ELMO1: variants seen among roughly 807,000 people sequenced by gnomAD.
The protein encoded by ELMO1 is engulfment and cell motility 1, also known as engulfment and cell motility protein 1.
In ELMO1, 26 loss-of-function variants were observed where a neutral mutation model predicts 98.9. The ratio of observed to expected loss-of-function variants is 0.26; its 90% CI spans 0.19 to 0.36. The LOEUF (loss-of-function observed/expected upper bound fraction) is 0.36. Among genes scored for constraint, ELMO1 ranks in the 10% least tolerant of loss-of-function variants. The pLI, the probability that ELMO1 is intolerant of heterozygous loss-of-function variation, is 1.00. For synonymous variants in ELMO1, 346 were observed against 346.0 expected (o/e 1.00, Z 0.00); for missense variants, 627 against 935.2 (o/e 0.67, Z 4.30).
At chr7:36,914,516 C>CCTTT (rs1193155644) in intron 16 of ELMO1, among the ~76,000 whole-genome samples, 2 of 129,988 alleles carry the variant, frequency 1.5e-5, no homozygotes, top group African/African-American at 5.6e-5. Flanking sequence ...AATGTACATT[C>CCTTT]TTTTTTTTTT....
chr7:37,376,063 C>CA (rs1050567332), intron 1 of ELMO1: 21 of 359,376 alleles, frequency 5.8e-5, no homozygotes, highest in Non-Finnish European at 1.1e-4. Context: ...AACTTACAGC[C>CA]AAAAAAACTT....
chr7:37,344,846 C>G (rs965971405), intron 1 of ELMO1, among the ~76,000 whole-genome samples: 1 of 152,202 alleles, frequency 6.6e-6, no homozygotes, highest in Non-Finnish European at 1.5e-5. Flanking sequence ...ACATTTGTCC[C>G]TTTTCTATTG....
At chr7:36,944,455 T>C (rs1034588605) in intron 16 of ELMO1, among the ~76,000 whole-genome samples, 1 of 152,208 alleles carries the variant, frequency 6.6e-6, no homozygotes, top group African/African-American at 2.4e-5. Context: ...GCCCACATGA[T>C]TTTCACTCTA....
At chr7:36,944,081 C>T (rs767296156) in intron 16 of ELMO1, among the ~76,000 whole-genome samples, 10 of 152,222 alleles carry the variant, frequency 6.6e-5, no homozygotes, top group Non-Finnish European at 1.2e-4. Flanking sequence ...CACAAGAACA[C>T]ATGCAGCTCT....
Position 37,098,264 on chromosome 7 carries a change from T to TCCA in ELMO1, c.1192-1540_1192-1538dup, listed in dbSNP as rs1784465015. The stretch of plus-strand genomic sequence containing the variant: ...AACAGTATTAATTGAGCACCTGTTA[T>TCCA]CCACCAGGAAGATGGCTGAGCCCCA... On this transcript the variant is annotated intron_variant, in intron 14 of 21. Coordinates refer to ENST00000310758, the MANE Select transcript of ELMO1 (RefSeq NM_014800.11). Among the ~76,000 whole-genome samples the TCCA allele has an allele frequency of 2.6e-5, 4 of 152,308 alleles. No individual in the cohort carries two copies. The South Asian group carries it at 8.3e-4, about 32-fold the overall frequency.
At chr7:37,343,826 G>GTGTGTGTA (rs1360201019) in intron 1 of ELMO1, among the ~76,000 whole-genome samples, 2 of 152,034 alleles carry the variant, frequency 1.3e-5, no homozygotes, top group African/African-American at 2.4e-5. Flanking sequence ...ATACAAACTT[G>GTGTGTGTA]TGTGTGTATG....
chr7:37,178,338 T>C (rs554500208), intron 13 of ELMO1, among the ~76,000 whole-genome samples: 50 of 150,942 alleles, frequency 3.3e-4, no homozygotes, highest in Non-Finnish European at 5.2e-4. Context: ...ACCACGAGAA[T>C]AGCATGGGAG....
At chr7:37,101,795 T>C (rs1784659126) in intron 14 of ELMO1, among the ~76,000 whole-genome samples, 1 of 151,980 alleles carries the variant, frequency 6.6e-6, no homozygotes, top group African/African-American at 2.4e-5. Flanking sequence ...ACGGAGTCTG[T>C]CTGGCTCTCT....
intron 13 of ELMO1, among the ~76,000 whole-genome samples, chr7:37,156,064 C>T (rs927458575): frequency 1.3e-5 from 2 of 152,136 alleles, no homozygotes; most frequent in African/African-American, 4.8e-5. Flanking sequence ...CAACCTGCTC[C>T]TGAATGACTA....
intron 18 of ELMO1, among the ~76,000 whole-genome samples, chr7:36,881,045 G>A (rs942784181): frequency 4.6e-5 from 7 of 152,186 alleles, no homozygotes; most frequent in African/African-American, 1.4e-4. Flanking sequence ...CTACTAAAAC[G>A]ATAAAAAGCA....
intron 17 of ELMO1, among the ~76,000 whole-genome samples, chr7:36,890,236 G>A (rs192297594): frequency 6.6e-6 from 1 of 152,340 alleles, no homozygotes; most frequent in African/African-American, 2.4e-5. Context: ...AAGATTTAAA[G>A]AGTGTGTGAA....
chr7:36,956,115 C>T lies in ELMO1; in HGVS notation c.1437+57184G>A, dbSNP rs185529715. On this transcript the variant is annotated intron_variant, in intron 16 of 21. Transcript: ENST00000310758. ...TCAATACCTGTTCCCTTTCTGAGAG[C>T]CTTTTCTTGTCTAGGGTGTCCTGAA... Among the ~76,000 whole-genome samples, 7 of 152,302 alleles carry T rather than the reference C, an allele frequency of 4.6e-5. No individual in the cohort carries two copies. The East Asian group carries it at 5.8e-4, about 13-fold the overall frequency.
At chr7:37,025,470 C>T (rs1005657262) in intron 15 of ELMO1, among the ~76,000 whole-genome samples, 1 of 152,182 alleles carries the variant, frequency 6.6e-6, no homozygotes, top group Admixed American at 6.5e-5. Context: ...TTGAGATTAA[C>T]ATCTGAATAA....
intron 14 of ELMO1, among the ~76,000 whole-genome samples, chr7:37,103,954 T>TGAACCGA (rs1288474954): frequency 1.6e-5 from 2 of 125,678 alleles, no homozygotes; most frequent in Non-Finnish European, 3.1e-5. Flanking sequence ...GAGCTTGCAG[T>TGAACCGA]GAACCGAGAT....
intron 1 of ELMO1, among the ~76,000 whole-genome samples, chr7:37,416,243 C>T (rs1025195503): frequency 6.6e-6 from 1 of 152,278 alleles, no homozygotes; most frequent in South Asian, 2.1e-4. Flanking sequence ...ACTGACAATA[C>T]GAAGTTCACA....
intron 15 of ELMO1, among the ~76,000 whole-genome samples, chr7:37,062,392 C>T (rs1584584561): frequency 6.6e-6 from 1 of 152,158 alleles, no homozygotes; most frequent in East Asian, 1.9e-4. Context: ...AAATTTCTTA[C>T]GTGGATCTCT....
At chr7:37,056,536 G>T (rs1796399385) in intron 15 of ELMO1, among the ~76,000 whole-genome samples, 1 of 152,216 alleles carries the variant, frequency 6.6e-6, no homozygotes, top group Non-Finnish European at 1.5e-5. Flanking sequence ...TTTTGAAGAG[G>T]AAAAGGATGA....
chr7:36,955,136 A>G (rs1351064094), intron 16 of ELMO1, among the ~76,000 whole-genome samples: 1 of 152,148 alleles, frequency 6.6e-6, no homozygotes, highest in East Asian at 1.9e-4. Flanking sequence ...CTCCCTCTAC[A>G]TGGCGGAAGG....
At chr7:37,302,987 T>C (rs1363630664) in intron 4 of ELMO1, among the ~76,000 whole-genome samples, 2 of 152,194 alleles carry the variant, frequency 1.3e-5, no homozygotes, top group East Asian at 3.8e-4. Flanking sequence ...CTTCCTCTTA[T>C]CTCTCCCCAG....
Sources: gnomAD v4.1 joint callset for allele counts (sites outside exome capture counted in the v4.1 genomes callset) on GRCh38, gnomAD v4.1.1 for gene constraint, MANE v1.5 for transcripts, NCBI Gene and HGNC (gene_info 2026-07-23, HGNC 2026-07-21) for gene names.